Variants in GABRB1 observed in about 807,000 individuals in gnomAD.
The protein encoded by GABRB1 is gamma-aminobutyric acid receptor subunit beta-1.
A neutral mutation model predicts 51.6 loss-of-function variants in GABRB1; 17 were observed. The ratio of observed to expected loss-of-function variants is 0.33; its 90% CI spans 0.23 to 0.49. GABRB1 has a LOEUF of 0.49. Among genes scored for constraint, GABRB1 ranks in the 20% least tolerant of loss-of-function variants. The pLI is 0.99. For missense variants in GABRB1, 410 were observed against 600.6 expected, an observed-to-expected ratio of 0.68 and a Z score of 3.32; for synonymous variants, 247 against 218.9, an observed-to-expected ratio of 1.13 and a Z score of -1.14.
rs148753831 is a variant in GABRB1, at chr4:47,318,882, G to C, written c.462-1245G>C. ...AACAACACAAAAATTCAAATTAAAT[G>C]GTTTCTTTTTTATCTTAATCTCCAG... On this transcript the variant is annotated intron_variant, in intron 4 of 8. Coordinates refer to ENST00000295454, the MANE Select transcript of GABRB1 (RefSeq NM_000812.4). Among the ~76,000 whole-genome samples, 8 of 152,026 alleles carry C rather than the reference G, an allele frequency of 5.3e-5. No homozygotes were observed. In the East Asian group the frequency reaches 1.4e-3, roughly 26 times the overall value.
rs545615828 is a variant in GABRB1 at position 47,418,017 on chromosome 4, G to C, written c.1081-7657G>C. Among the ~76,000 whole-genome samples the C allele has an allele frequency of 7.0e-4, 106 of 152,224 alleles. 1 individual carries two copies. The highest frequency in any genetic ancestry group is 1.5e-3 in the Admixed American group (23 of 15,294). On this transcript the variant is annotated intron_variant, in intron 8 of 8. Coordinates refer to ENST00000295454, the MANE Select transcript of GABRB1 (RefSeq NM_000812.4). ...GATAGTGAGTGAGATGGAAGGGGTG[G>C]AAGAAAGGCTAAACCCAATCCAGAA...
intron 5 of GABRB1, among the ~76,000 whole-genome samples, chr4:47,355,751 G>C (rs1378577288): frequency 6.6e-6 from 1 of 152,126 alleles, no homozygotes. Context: ...AGGGCCCTGA[G>C]GGAACAATAA....
At chr4:47,200,134 A>G (rs1346052294) in intron 4 of GABRB1, among the ~76,000 whole-genome samples, 1 of 152,222 alleles carries the variant, frequency 6.6e-6, no homozygotes, top group Non-Finnish European at 1.5e-5. Context: ...GAGAACATGT[A>G]TGAGATAAGA....
intron 8 of GABRB1, among the ~76,000 whole-genome samples, chr4:47,414,400 G>A (rs1433241907): frequency 6.6e-6 from 1 of 152,172 alleles, no homozygotes; most frequent in African/African-American, 2.4e-5. Flanking sequence ...GCAGGGAAAG[G>A]TCTTCCAGGT....
intron 3 of GABRB1, among the ~76,000 whole-genome samples, chr4:47,052,037 T>G (rs1577862157): frequency 6.6e-6 from 1 of 151,870 alleles, no homozygotes; most frequent in South Asian, 2.1e-4. Context: ...GCTGAGGCAG[T>G]AGAATCTGCT....
In GABRB1 at chr4:47,406,879, G is replaced by A. The variant is rs150598937; in HGVS notation, c.1033G>A (p.Asp345Asn). 646 of 1,614,096 alleles carry A rather than the reference G, an allele frequency of 4.0e-4. 6 individuals carry two copies. In the East Asian group the frequency reaches 0.012, roughly 29 times the overall value. ...TCAGAAAAAGGGAGCTAGCAAACAA[G>A]ACCAGAGTGCCAATGAGAAGAATAA... Reference protein sequence around the residue: ...GPQKKGASKQDQSANEKNKLE... With the variant: ...GPQKKGASKQNQSANEKNKLE... The change falls in exon 8 of 9, where the codon GAC becomes AAC. Residue 345 changes from aspartate to asparagine, a missense_variant. Physicochemically the swap from Asp to Asn is conservative, Grantham distance 23. Around this residue, in one of 5 missense-constraint regions of GABRB1, gnomAD observed 181 missense variants for 195.6 expected, o/e 0.93. Coordinates refer to ENST00000295454, the MANE Select transcript of GABRB1 (RefSeq NM_000812.4).
At chr4:47,209,341 CAT>C (rs922258012) in intron 4 of GABRB1, among the ~76,000 whole-genome samples, 36 of 152,200 alleles carry the variant, frequency 2.4e-4, no homozygotes, top group African/African-American at 8.7e-4. Context: ...CTTAGAATCT[CAT>C]AGCTTCAGCT....
In GABRB1 at chr4:47,391,987, C is replaced by T. The variant is rs142832359; in HGVS notation, c.545-11331C>T. On this transcript the variant is annotated intron_variant, in intron 5 of 8. Coordinates refer to ENST00000295454, the MANE Select transcript of GABRB1 (RefSeq NM_000812.4). ...ATTCTGCATGGTATGTTCAGTACTACGTAACTGACAGGATCCTATCTGGGA... is the reference window on the plus strand; with the variant it reads ...ATTCTGCATGGTATGTTCAGTACTATGTAACTGACAGGATCCTATCTGGGA... 1.0e-3 allele frequency among the ~76,000 whole-genome samples: 156 copies of T among 151,740 alleles called. 1 individual carries two copies. The highest frequency in any genetic ancestry group is 1.6e-3 in the Non-Finnish European group (109 of 67,994).
At chr4:47,208,050 A>G (rs1361599671) in intron 4 of GABRB1, among the ~76,000 whole-genome samples, 3 of 152,218 alleles carry the variant, frequency 2.0e-5, no homozygotes, top group African/African-American at 7.2e-5. Flanking sequence ...TCATAGCAGC[A>G]TTATTCAACA....
intron 1 of GABRB1, among the ~76,000 whole-genome samples, chr4:47,014,022 T>G (rs1272982130): frequency 1.3e-5 from 2 of 152,168 alleles, no homozygotes; most frequent in Non-Finnish European, 2.9e-5. Flanking sequence ...AATTATAAAA[T>G]TTTATAGGAT....
intron 5 of GABRB1, among the ~76,000 whole-genome samples, chr4:47,346,372 T>C (rs1726089634): frequency 6.6e-6 from 1 of 152,232 alleles, no homozygotes; most frequent in African/African-American, 2.4e-5. Context: ...ATATGCCAAT[T>C]AATGGGATAC....
At chr4:47,339,625 A>T (rs58864642) in intron 5 of GABRB1, among the ~76,000 whole-genome samples, 1,929 of 151,152 alleles carry the variant, frequency 0.013, 20 homozygotes, top group Middle Eastern at 0.034. Flanking sequence ...AAAGTAAGAG[A>T]GTTGTCATTA....
At chr4:47,362,314 G>A (rs941606622) in intron 5 of GABRB1, among the ~76,000 whole-genome samples, 11 of 152,200 alleles carry the variant, frequency 7.2e-5, no homozygotes, top group African/African-American at 2.2e-4. Flanking sequence ...ATGGACACAG[G>A]AATTATGGAT....
At chr4:47,350,549 A>AT (rs1726290408) in intron 5 of GABRB1, among the ~76,000 whole-genome samples, 2 of 152,056 alleles carry the variant, frequency 1.3e-5, no homozygotes, top group African/African-American at 4.8e-5. Context: ...TCTTTTAAAA[A>AT]ATGTGTATCA....
At chr4:47,095,807 A>G (rs988653717) in intron 3 of GABRB1, among the ~76,000 whole-genome samples, 2 of 152,226 alleles carry the variant, frequency 1.3e-5, no homozygotes, top group Admixed American at 6.5e-5. Flanking sequence ...CACTTGCATA[A>G]TCCATAAGCC....
chr4:47,024,510 T>C (rs531729992), intron 1 of GABRB1, among the ~76,000 whole-genome samples: 1 of 152,106 alleles, frequency 6.6e-6, no homozygotes, highest in Admixed American at 6.6e-5. Flanking sequence ...AGAAAATATT[T>C]GTTGTTTAAA....
Position 47,320,229 on chromosome 4 carries a change from G to A in GABRB1, c.544+20G>A. ...AAAGTTGTGAGTTACTTGGACAGGG[G>A]AATGAAAAAGAGGGATTCTTCCTTG... On this transcript the variant is annotated intron_variant, in intron 5 of 8. Transcript: ENST00000295454. 3 of 1,448,258 alleles carry A rather than the reference G, an allele frequency of 2.1e-6. No homozygotes were observed. Among genetic ancestry groups the A allele is most frequent in the Non-Finnish European group, 2.9e-6 (3 of 1,028,956 alleles). The allele number at this position is 1,448,258 out of a possible 1,614,324, so 89.7% of individuals were successfully genotyped here. A position where few individuals can be genotyped will look rare whatever the true frequency, so the allele number is the denominator to read the frequency against.
chr4:47,205,027 T>C (rs766793477), intron 4 of GABRB1, among the ~76,000 whole-genome samples: 21 of 152,214 alleles, frequency 1.4e-4, no homozygotes, highest in Non-Finnish European at 2.5e-4. Context: ...GTGCATTCCC[T>C]CCAATCACCA....
chr4:47,099,209 A>G (rs570413967), intron 3 of GABRB1, among the ~76,000 whole-genome samples: 1 of 152,138 alleles, frequency 6.6e-6, no homozygotes, highest in Non-Finnish European at 1.5e-5. Flanking sequence ...TAACAAGGGC[A>G]TACATACCCA....
Sources: gnomAD v4.1 joint callset for allele counts (sites outside exome capture counted in the v4.1 genomes callset) on GRCh38, gnomAD v4.1.1 for gene constraint, gnomAD v4.1.1 regional missense constraint, MANE v1.5 for transcripts, NCBI Gene and HGNC (gene_info 2026-07-23, HGNC 2026-07-21) for gene names.